BRCA2: variants seen among roughly 807,000 people sequenced by gnomAD.
The protein encoded by BRCA2 is breast cancer type 2 susceptibility protein.
A neutral mutation model predicts 276.7 loss-of-function variants in BRCA2; 203 were observed. The ratio of observed to expected loss-of-function variants is 0.73; its 90% CI spans 0.65 to 0.82. The LOEUF is 0.82. Among genes scored for constraint, BRCA2 ranks in the 40% least tolerant of loss-of-function variants. The pLI, the probability that BRCA2 is intolerant of heterozygous loss-of-function variation, is 0.00. For missense variants in BRCA2, 3,920 were observed against 3,915.0 expected (o/e 1.00, Z -0.03); for synonymous variants, 1,289 against 1,338.4 (o/e 0.96, Z 0.81).
In BRCA2 at chr13:32,337,121, C is replaced by T. The variant is rs764749018; in HGVS notation, c.2766C>T (p.Phe922=). ...TDLTCVNEPI[F]KNSTMVLYGD... ...TGACTTGTGTAAACGAACCCATTTTCAAGAACTCTACCATGGTTTTATATG... is the reference window on the plus strand; with the variant it reads ...TGACTTGTGTAAACGAACCCATTTTTAAGAACTCTACCATGGTTTTATATG... Residue 922 remains phenylalanine (F), a synonymous_variant, in exon 11 of 27, where the codon TTC becomes TTT. Transcript: ENST00000380152. 6.2e-7 allele frequency: 1 copy of T among 1,613,744 alleles called. No homozygotes were observed. Among genetic ancestry groups the T allele is most frequent in the South Asian group, 1.1e-5 (1 of 91,018 alleles).
rs1003720491 is a variant in BRCA2, at chr13:32,399,220, A to G, written c.*450A>G. The G allele has an allele frequency of 1.4e-5, 3 of 208,384 alleles. No individual in the cohort carries two copies. The highest frequency in any genetic ancestry group is 2.9e-5 in the Non-Finnish European group (3 of 102,770). 12.9% of individuals were successfully genotyped at this position (208,384 alleles called of 1,614,324 possible). On this transcript the variant is annotated 3_prime_UTR_variant, in exon 27 of 27. Transcript: ENST00000380152. ...AAGTATTATTTTACAAGTGAAATAA[A>G]CATACCATTTTCTTTTAGATTGTGT...
chr13:32,369,809 G>C (rs2072814969), intron 18 of BRCA2, among the ~76,000 whole-genome samples: 1 of 152,074 alleles, frequency 6.6e-6, no homozygotes, highest in Non-Finnish European at 1.5e-5. Context: ...CCTGACCTCA[G>C]GTGATACGCC....
intron 3 of BRCA2, 52 bp from the exon 4 acceptor site, chr13:32,325,024 A>C (rs564490783): frequency 9.9e-6 from 13 of 1,311,052 alleles, no homozygotes; most frequent in Non-Finnish European, 1.4e-5. Context: ...AAAGAATGCA[A>C]ATTTATAATC....
intron 24 of BRCA2, among the ~76,000 whole-genome samples, chr13:32,384,153 GTT>G (rs1032577617): frequency 6.6e-6 from 1 of 152,194 alleles, no homozygotes; most frequent in Admixed American, 6.5e-5. Context: ...AAAACTGAGT[GTT>G]TTTAGAGTGG....
At chr13:32,324,203 G>A (rs143725735) in intron 3 of BRCA2, among the ~76,000 whole-genome samples, 3 of 152,246 alleles carry the variant, frequency 2.0e-5, no homozygotes, top group Admixed American at 6.5e-5. Flanking sequence ...GAACACATAG[G>A]GGGGCAAACA....
intron 4 of BRCA2, among the ~76,000 whole-genome samples, 181 bp downstream of exon 4, chr13:32,325,365 C>A (rs1212123873): frequency 6.6e-6 from 1 of 152,030 alleles, no homozygotes; most frequent in African/African-American, 2.4e-5. Context: ...ACATTAGAAA[C>A]ATGTAAGTTG....
In BRCA2 at chr13:32,370,494, T is replaced by C. The variant is rs876658841; in HGVS notation, c.8424T>C (p.Leu2808=). The change falls in exon 19 of 27, where the codon CTT becomes CTC. Residue 2808 remains leucine (L), a synonymous_variant. Transcript: ENST00000380152. ...PRPFPLPLSS[L]FSDGGNVGCV... is the part of the protein sequence containing the mutation. ...CTTTTCCTCTGCCCTTATCATCGCT[T>C]TTCAGTGATGGAGGAAATGTTGGTT... 1 of 1,613,824 alleles carries C rather than the reference T, an allele frequency of 6.2e-7. No homozygotes were observed. The highest frequency in any genetic ancestry group is 8.5e-7 in the Non-Finnish European group (1 of 1,179,678).
chr13:32,358,826 C>T (rs868204699), intron 16 of BRCA2, among the ~76,000 whole-genome samples: 11 of 151,322 alleles, frequency 7.3e-5, no homozygotes, highest in Non-Finnish European at 5.9e-5. Context: ...CCCAGCTACT[C>T]GGGAGGCTGA....
In BRCA2 at chr13:32,338,398, G is replaced by C. The variant is rs1307056903; in HGVS notation, c.4043G>C (p.Cys1348Ser). ...GSDSSKNDTV[C>S]IHKDETDLLF... ...GATTCAAGTAAAAATGATACTGTTT[G>C]TATTCATAAAGATGAAACGGACTTG... Residue 1348 changes from cysteine to serine, a missense_variant, in exon 11 of 27, where the codon TGT becomes TCT. Cys to Ser is a moderately radical substitution (Grantham distance 112). This residue lies in a region of BRCA2 where 3,263 missense variants were observed against 3,156.9 expected (regional missense o/e 1.03). Transcript: ENST00000380152. 6.2e-7 allele frequency: 1 copy of C among 1,600,574 alleles called. No homozygotes were observed. The highest frequency in any genetic ancestry group is 8.5e-7 in the Non-Finnish European group (1 of 1,175,546).
intron 7 of BRCA2, among the ~76,000 whole-genome samples, chr13:32,327,621 G>T (rs1434567629): frequency 6.7e-6 from 1 of 148,972 alleles, no homozygotes; most frequent in African/African-American, 2.5e-5. Context: ...AGTGATCTGA[G>T]ATCATCACGC....
At chr13:32,324,144 C>G (rs1593885362) in intron 3 of BRCA2, among the ~76,000 whole-genome samples, 1 of 152,280 alleles carries the variant, frequency 6.6e-6, no homozygotes, top group Non-Finnish European at 1.5e-5. Flanking sequence ...TCAGATTGCT[C>G]ACAGCCTAGT....
chr13:32,341,600 A>C (rs961879665), intron 11 of BRCA2, among the ~76,000 whole-genome samples: 1 of 152,240 alleles, frequency 6.6e-6, no homozygotes, highest in Admixed American at 6.5e-5. Flanking sequence ...ACTCTGACTT[A>C]TATGAACTTT....
At chr13:32,364,910 C>T (rs897076031) in intron 18 of BRCA2, among the ~76,000 whole-genome samples, 3 of 152,062 alleles carry the variant, frequency 2.0e-5, no homozygotes, top group Non-Finnish European at 4.4e-5. Context: ...GTTTCCATGT[C>T]ATCTTTCTAG....
chr13:32,390,301 C>G (rs1203707247), intron 24 of BRCA2, among the ~76,000 whole-genome samples: 1 of 152,034 alleles, frequency 6.6e-6, no homozygotes, highest in Non-Finnish European at 1.5e-5. Flanking sequence ...CAGCTAAACT[C>G]TAATTTTAGG....
rs2137582115 is a variant in BRCA2, at chr13:32,363,437, G to A, written c.8235G>A (p.Leu2745=). 6.2e-7 allele frequency: 1 copy of A among 1,614,180 alleles called. No homozygotes were observed. The highest frequency in any genetic ancestry group is 1.1e-5 in the South Asian group (1 of 91,070). The change falls in exon 18 of 27, where the codon CTG becomes CTA. Residue 2745 remains leucine, a synonymous_variant. Coordinates refer to ENST00000380152, the MANE Select transcript of BRCA2 (RefSeq NM_000059.4). The part of the protein sequence containing the change: ...PLLAVLKNGR[L]TVGQKIILHG... ...TAGCTGTCTTAAAGAATGGCAGACTGACAGTTGGTCAGAAGATTATTCTTC... is the reference window on the plus strand; with the variant it reads ...TAGCTGTCTTAAAGAATGGCAGACTAACAGTTGGTCAGAAGATTATTCTTC...
At chr13:32,316,701 A>G (rs1240966400) in intron 2 of BRCA2, among the ~76,000 whole-genome samples, 174 bp downstream of exon 2, 4 of 152,158 alleles carry the variant, frequency 2.6e-5, no homozygotes, top group Non-Finnish European at 4.4e-5. Flanking sequence ...CACATGATAA[A>G]TATAGAACGT....
Position 32,333,082 on chromosome 13 carries a change from C to T in BRCA2, c.1604C>T (p.Ala535Val), listed in dbSNP as rs1593893344. The T allele has an allele frequency of 6.2e-7, 1 of 1,611,666 alleles. No individual in the cohort carries two copies. The highest frequency in any genetic ancestry group is 8.5e-7 in the Non-Finnish European group (1 of 1,179,538). ...TDPNFKKETE[A>V]SESGLEIHTV... Reference sequence around the variant, plus strand: ...CCAAACTTTAAAAAAGAAACTGAAGCCTCTGAAAGTGGACTGGAAATACAT... The same window carrying T: ...CCAAACTTTAAAAAAGAAACTGAAGTCTCTGAAAGTGGACTGGAAATACAT... The change falls in exon 10 of 27, where the codon GCC (alanine) becomes GTC (valine). Residue 535 changes from alanine to valine, a missense_variant. Transcript: ENST00000380152.
chr13:32,382,935 A>G (rs1232407346), intron 24 of BRCA2, among the ~76,000 whole-genome samples: 1 of 152,190 alleles, frequency 6.6e-6, no homozygotes, highest in East Asian at 1.9e-4. Context: ...TAATCACAGG[A>G]AAAAAGTAAA....
intron 12 of BRCA2, among the ~76,000 whole-genome samples, chr13:32,345,393 A>C (rs548514874): frequency 1.3e-5 from 2 of 152,218 alleles, no homozygotes; most frequent in South Asian, 4.1e-4. Context: ...CTAATAAGAC[A>C]GTTTTGACAG....
Sources: gnomAD v4.1 joint callset for allele counts (sites outside exome capture counted in the v4.1 genomes callset) on GRCh38, gnomAD v4.1.1 for gene constraint, gnomAD v4.1.1 regional missense constraint, MANE v1.5 for transcripts, NCBI Gene and HGNC (gene_info 2026-07-23, HGNC 2026-07-21) for gene names.